The following CLPTM1 variants were observed in gnomAD, a reference collection of about 807,000 sequenced individuals.
The protein encoded by CLPTM1 is CLPTM1 regulator of GABA type A receptor forward trafficking, also known as putative lipid scramblase CLPTM1.
A neutral mutation model predicts 77.3 loss-of-function variants in CLPTM1; 21 were observed. That is an observed-to-expected ratio of 0.27 (90% CI 0.19 to 0.39). The LOEUF is 0.39. Among genes scored for constraint, CLPTM1 ranks in the 10% least tolerant of loss-of-function variants. The pLI is 1.00. For synonymous variants in CLPTM1, 373 were observed against 381.0 expected (o/e 0.98, Z 0.24); for missense variants, 642 against 921.2 (o/e 0.70, Z 3.92).
At chr19:44,977,300 C>T in intron 4 of CLPTM1, 43 bp from the exon 5 acceptor site, 2 of 1,451,500 alleles carry the variant, frequency 1.4e-6, no homozygotes. Context: ...TTTCCCTCAC[C>T]CCAGTTGCCC....
chr19:44,955,012 G>A, upstream of CLPTM1: 1 of 1,535,724 alleles, frequency 6.5e-7, no homozygotes, highest in Admixed American at 2.0e-5. Flanking sequence ...CAAGAAACAT[G>A]GAACGAAAAG....
chr19:44,955,299 C>T, upstream of CLPTM1: 1 of 1,277,718 alleles, frequency 7.8e-7, no homozygotes, highest in South Asian at 1.5e-5. Flanking sequence ...TAGGGTGGCC[C>T]GGCGGGGCTA....
chr19:44,980,336 CT>C (rs1272107091), intron 5 of CLPTM1, among the ~76,000 whole-genome samples: 13 of 151,998 alleles, frequency 8.6e-5, no homozygotes, highest in African/African-American at 2.7e-4. Flanking sequence ...TGGTGAAACC[CT>C]GTCTCTACTA....
chr19:44,972,461 G>A (rs1443692615), intron 2 of CLPTM1, among the ~76,000 whole-genome samples: 1 of 151,888 alleles, frequency 6.6e-6, no homozygotes, highest in African/African-American at 2.4e-5. Flanking sequence ...ATGTTAGCCA[G>A]GATGGTCTCA....
In CLPTM1 at chr19:44,973,199, G is replaced by C; in HGVS notation, c.298G>C (p.Asp100His). The change falls in exon 3 of 14, where the codon GAC becomes CAC. Residue 100 changes from aspartate to histidine, a missense_variant. Coordinates refer to ENST00000337392, the MANE Select transcript of CLPTM1 (RefSeq NM_001294.4). ...CGCCAGCCGCAACCTGTTCCCCAAA[G>C]ACACTTTAATGGTAACTGCCGGGTG... ...RVASRNLFPK[D>H]TLMNLHVYIS... The C allele has an allele frequency of 6.2e-7, 1 of 1,614,022 alleles. No individual in the cohort carries two copies. Among genetic ancestry groups the C allele is most frequent in the South Asian group, 1.1e-5 (1 of 91,080 alleles).
chr19:44,986,554 G>A lies in CLPTM1; in HGVS notation c.772G>A (p.Val258Met). The A allele has an allele frequency of 6.2e-7, 1 of 1,613,982 alleles. No homozygotes were observed. The highest frequency in any genetic ancestry group is 8.5e-7 in the Non-Finnish European group (1 of 1,179,998). Reference sequence around the variant, plus strand: ...CCACACGCCGTGGGTGAAGGGCAGTGTGCCCCCTCCCCTGGATCAATGTAA... The same window carrying A: ...CCACACGCCGTGGGTGAAGGGCAGTATGCCCCCTCCCCTGGATCAATGTAA... ...DDHTPWVKGS[V>M]PPPLDQYVKF... The change falls in exon 7 of 14, where the codon GTG (valine) becomes ATG (methionine). Residue 258 changes from valine (V) to methionine (M), a missense_variant. Transcript: ENST00000337392.
intron 1 of CLPTM1, among the ~76,000 whole-genome samples, chr19:44,958,844 C>T (rs930127112): frequency 6.6e-6 from 1 of 152,170 alleles, no homozygotes; most frequent in African/African-American, 2.4e-5. Context: ...CAATCCTAGG[C>T]AGCCACAGAG....
At chr19:44,981,058 G>A (rs980817830) in intron 5 of CLPTM1, among the ~76,000 whole-genome samples, 1 of 152,028 alleles carries the variant, frequency 6.6e-6, no homozygotes, top group Non-Finnish European at 1.5e-5. Context: ...AGCCAGGATG[G>A]TCTTGATCTC....
In CLPTM1 at chr19:44,990,526, A is replaced by C. The variant is rs1971054668; in HGVS notation, c.1264A>C (p.Ser422Arg). Residue 422 changes from serine (S) to arginine (R), a missense_variant, in exon 10 of 14, where the codon AGC becomes CGC. Physicochemically the swap from Ser to Arg is moderately radical, Grantham distance 110 (BLOSUM62 -1). Transcript: ENST00000337392. The surrounding 1 kb of genome is among the most constrained non-coding windows in gnomAD (Gnocchi z 4.8). ...DNETNFVVQVSVFIGVLIDLW... is the reference protein window; with the variant it reads ...DNETNFVVQVRVFIGVLIDLW... ...CGAGACCAACTTCGTGGTCCAGGTCAGCGTCTTCATTGGGGTCCTCATCGA... is the reference window on the plus strand; with the variant it reads ...CGAGACCAACTTCGTGGTCCAGGTCCGCGTCTTCATTGGGGTCCTCATCGA... 6.2e-7 allele frequency: 1 copy of C among 1,613,966 alleles called. No homozygotes were observed. The highest frequency in any genetic ancestry group is 1.3e-5 in the African/African-American group (1 of 74,910).
Position 44,990,672 on chromosome 19 carries a change from G to A in CLPTM1, c.1323+87G>A, listed in dbSNP as rs563352351. 43 of 1,484,162 alleles carry A rather than the reference G, an allele frequency of 2.9e-5. No individual in the cohort carries two copies. Among genetic ancestry groups the A allele is most frequent in the African/African-American group, 1.7e-4 (12 of 72,198 alleles). 91.9% of individuals were successfully genotyped at this position (1,484,162 alleles called of 1,614,324 possible). ...CAGCTGGACCCTGGAGCTGGCCCCC[G>A]GGGGATTCCCAGCAAGTGCCTCACT... On this transcript the variant is annotated intron_variant, in intron 10 of 13. Coordinates refer to ENST00000337392, the MANE Select transcript of CLPTM1 (RefSeq NM_001294.4). This position sits in a 1 kb window ranked among gnomAD's most constrained non-coding sequence, Gnocchi z 4.8.
rs938765735 is a variant in CLPTM1, at chr19:44,990,671, C to T, written c.1323+86C>T. On this transcript the variant is annotated intron_variant, in intron 10 of 13. Coordinates refer to ENST00000337392, the MANE Select transcript of CLPTM1 (RefSeq NM_001294.4). The surrounding 1 kb of genome is among the most constrained non-coding windows in gnomAD (Gnocchi z 4.8). ...CCAGCTGGACCCTGGAGCTGGCCCC[C>T]GGGGGATTCCCAGCAAGTGCCTCAC... The T allele has an allele frequency of 4.8e-5, 72 of 1,485,322 alleles. No homozygotes were observed. The African/African-American group carries it at 8.1e-4, about 17-fold the overall frequency. 92.0% of individuals were successfully genotyped at this position (1,485,322 alleles called of 1,614,324 possible).
chr19:44,987,003 A>G, intron 7 of CLPTM1, 176 bp from the exon 8 acceptor site: 1 of 789,930 alleles, frequency 1.3e-6, no homozygotes, highest in Non-Finnish European at 2.0e-6. Flanking sequence ...CCTTTGCCTC[A>G]GTCCCCTCTG....
chr19:44,961,430 C>G (rs558045977), intron 1 of CLPTM1, among the ~76,000 whole-genome samples: 1 of 152,272 alleles, frequency 6.6e-6, no homozygotes, highest in East Asian at 1.9e-4. Flanking sequence ...TTGTTGTCCC[C>G]AATAGCCACC....
At chr19:44,978,176 G>A (rs1005449230) in intron 5 of CLPTM1, among the ~76,000 whole-genome samples, 6 of 152,024 alleles carry the variant, frequency 3.9e-5, no homozygotes, top group African/African-American at 1.2e-4. Context: ...GGAGGCCGAG[G>A]CGGGTGAATC....
intron 4 of CLPTM1, among the ~76,000 whole-genome samples, chr19:44,976,128 T>TA (rs2122289531): frequency 6.6e-6 from 1 of 152,256 alleles, no homozygotes; most frequent in African/African-American, 2.4e-5. Flanking sequence ...GTGCTGGAAT[T>TA]ACAGGCATGA....
chr19:44,989,493 T>C (rs1971035086), intron 9 of CLPTM1, among the ~76,000 whole-genome samples: 1 of 133,858 alleles, frequency 7.5e-6, no homozygotes, highest in Admixed American at 7.4e-5. Flanking sequence ...TCTTCTCAGT[T>C]GGGACAGGGG....
chr19:44,960,187 G>A (rs553103586), intron 1 of CLPTM1, among the ~76,000 whole-genome samples: 135 of 152,282 alleles, frequency 8.9e-4, no homozygotes, highest in African/African-American at 3.2e-3. Context: ...CAGCCTAAGG[G>A]TCTCACCCAG....
chr19:44,991,390 C>T lies in CLPTM1; in HGVS notation c.1555+17C>T, dbSNP rs1015924303. On this transcript the variant is annotated intron_variant, in intron 12 of 13. Transcript: ENST00000337392. This position sits in a 1 kb window ranked among gnomAD's most constrained non-coding sequence, Gnocchi z 5.4. ...TGACCTTCGGTGAGCGGTCCGGCCG[C>T]CCCAGGAGAGAGCAGGCCCCATGCT... 3 of 1,607,908 alleles carry T rather than the reference C, an allele frequency of 1.9e-6. No homozygotes were observed. Among genetic ancestry groups the T allele is most frequent in the African/African-American group, 1.3e-5 (1 of 74,890 alleles).
At chr19:44,957,924 C>A (rs1970488019) in intron 1 of CLPTM1, among the ~76,000 whole-genome samples, 2 of 152,208 alleles carry the variant, frequency 1.3e-5, no homozygotes, top group Admixed American at 6.5e-5. Flanking sequence ...AAGGCCCTTA[C>A]ACTTATGTTC....
Sources: gnomAD v4.1 joint callset for allele counts (sites outside exome capture counted in the v4.1 genomes callset) on GRCh38, gnomAD v4.1.1 for gene constraint, Gnocchi (gnomAD v3.1) non-coding constraint, MANE v1.5 for transcripts, NCBI Gene and HGNC (gene_info 2026-07-23, HGNC 2026-07-21) for gene names.